The following RGS6 variants were observed in gnomAD, a reference collection of about 807,000 sequenced individuals.
The protein encoded by RGS6 is regulator of G protein signaling 6.
RGS6 carries 30 observed loss-of-function variants against 78.5 expected under a neutral mutation model. The ratio of observed to expected loss-of-function variants is 0.38; its 90% CI spans 0.29 to 0.52. RGS6 has a LOEUF of 0.52. Ranked by LOEUF, RGS6 falls within the 20% of genes least tolerant of loss-of-function variation. The pLI is 0.85. For missense variants in RGS6, 495 were observed against 609.7 expected (o/e 0.81, Z 1.98); for synonymous variants, 206 against 206.0 (o/e 1.00, Z 0.00).
Position 72,470,045 on chromosome 14 carries a change from G to A in RGS6, c.498G>A (p.Lys166=). The A allele has an allele frequency of 6.2e-7, 1 of 1,613,748 alleles. No homozygotes were observed. The highest frequency in any genetic ancestry group is 1.3e-5 in the African/African-American group (1 of 74,946). ...GACTCCAGAGGGCCTTTGCGAGGAAGTGGGAATTCATCTTTATGCAAGCAG... is the reference window on the plus strand; with the variant it reads ...GACTCCAGAGGGCCTTTGCGAGGAAATGGGAATTCATCTTTATGCAAGCAG... ...LARLQRAFAR[K]WEFIFMQAEA... is the part of the protein sequence containing the mutation. The change falls in exon 8 of 18, where the codon AAG becomes AAA. Residue 166 remains lysine, a synonymous_variant. Coordinates refer to ENST00000553525, the MANE Select transcript of RGS6 (RefSeq NM_001204424.2).
At chr14:72,531,611 G>GCCT (rs1269516832) in intron 15 of RGS6, among the ~76,000 whole-genome samples, 2 of 151,986 alleles carry the variant, frequency 1.3e-5, no homozygotes, top group Non-Finnish European at 2.9e-5. Context: ...AACCAAGAGG[G>GCCT]CCTCACATGT....
the RGS6 span, among the ~76,000 whole-genome samples, chr14:72,599,348 T>C: frequency 6.6e-6 from 1 of 151,684 alleles, no homozygotes; most frequent in Non-Finnish European, 1.5e-5. Flanking sequence ...GGTTCCTTCC[T>C]GCTGCCAGAG....
At position 72,200,988 on chromosome 14, in the gene RGS6, G is replaced by A. The variant is rs79776599; in HGVS notation, c.85-151107G>A. ...AAAAAAAAAAAAAAAAAAAAAAAAA[G>A]AAGAAGAAAAGAAAAGAAATTGTGT... On this transcript the variant is annotated intron_variant, in intron 2 of 17. Transcript: ENST00000553525. Among the ~76,000 whole-genome samples, 441 of 109,222 alleles carry A rather than the reference G, an allele frequency of 4.0e-3. 1 individual carries two copies. Among genetic ancestry groups the A allele is most frequent in the African/African-American group, 8.7e-3 (245 of 28,156 alleles). 71.7% of individuals were successfully genotyped at this position (109,222 alleles called of 152,430 possible).
intron 1 of RGS6, among the ~76,000 whole-genome samples, chr14:71,957,481 G>A (rs1277360925): frequency 6.6e-6 from 1 of 152,170 alleles, no homozygotes; most frequent in Non-Finnish European, 1.5e-5. Context: ...GGTCACAGAA[G>A]GTTAAAGTTC....
chr14:72,168,196 C>T (rs745436951), intron 2 of RGS6, among the ~76,000 whole-genome samples: 1 of 152,184 alleles, frequency 6.6e-6, no homozygotes, highest in Non-Finnish European at 1.5e-5. Context: ...ATCCCTGCCC[C>T]ATCCCTTTCA....
intron 12 of RGS6, among the ~76,000 whole-genome samples, chr14:72,484,888 A>G (rs555471482): frequency 6.6e-6 from 1 of 151,864 alleles, no homozygotes; most frequent in Non-Finnish European, 1.5e-5. Context: ...AATGGCTACT[A>G]AATGACTGAC....
chr14:72,536,221 T>C lies in RGS6; in HGVS notation c.1314T>C (p.Tyr438=), dbSNP rs1469739354. Residue 438 remains tyrosine, a synonymous_variant, in exon 16 of 18, where the codon TAT becomes TAC. Transcript: ENST00000553525. ...ACAAGCTGATGAAGAGTGACAGCTA[T>C]GCCCGCTTCCTCCGGTCAAATGCTT... ...HIYKLMKSDS[Y]ARFLRSNAYQ... The C allele has an allele frequency of 6.2e-7, 1 of 1,613,848 alleles. No homozygotes were observed. Among genetic ancestry groups the C allele is most frequent in the Non-Finnish European group, 8.5e-7 (1 of 1,179,886 alleles).
Position 72,527,033 on chromosome 14 carries a change from C to T in RGS6, c.1278+8496C>T, listed in dbSNP as rs144816779. On this transcript the variant is annotated intron_variant, in intron 15 of 17. Coordinates refer to ENST00000553525, the MANE Select transcript of RGS6 (RefSeq NM_001204424.2). Reference sequence around the variant, plus strand: ...TTCCTAAGGGCCCATCAGCCCTCAACGCTTTACCAGGTTGGGACCTTGTTT... The same window carrying T: ...TTCCTAAGGGCCCATCAGCCCTCAATGCTTTACCAGGTTGGGACCTTGTTT... Among the ~76,000 whole-genome samples, 317 of 152,338 alleles carry T rather than the reference C, an allele frequency of 2.1e-3. 2 individuals are homozygous for T. The highest frequency in any genetic ancestry group is 0.01 in the Middle Eastern group (3 of 294).
intron 15 of RGS6, among the ~76,000 whole-genome samples, chr14:72,519,706 T>C (rs558474333): frequency 6.6e-6 from 1 of 152,338 alleles, no homozygotes; most frequent in South Asian, 2.1e-4. Flanking sequence ...GTTTGAGTCA[T>C]GAGAGCTCTT....
intron 2 of RGS6, among the ~76,000 whole-genome samples, chr14:72,051,229 G>A (rs780574454): frequency 6.6e-6 from 1 of 152,066 alleles, no homozygotes; most frequent in Non-Finnish European, 1.5e-5. Context: ...GTACTATTTG[G>A]ACAATAAATA....
intron 2 of RGS6, among the ~76,000 whole-genome samples, chr14:72,026,984 C>T (rs1040620321): frequency 2.6e-5 from 4 of 151,968 alleles, no homozygotes; most frequent in African/African-American, 9.7e-5. Context: ...TGAGAAGAGT[C>T]CAGACATTCA....
intron 2 of RGS6, among the ~76,000 whole-genome samples, chr14:72,347,802 A>G (rs926891601): frequency 1.2e-4 from 18 of 152,252 alleles, no homozygotes; most frequent in African/African-American, 4.3e-4. Context: ...CTAAGGCCAT[A>G]GAGAACAAAG....
intron 2 of RGS6, among the ~76,000 whole-genome samples, chr14:71,980,185 A>G (rs2094372667): frequency 9.3e-6 from 1 of 107,072 alleles, no homozygotes; most frequent in Non-Finnish European, 1.9e-5. Flanking sequence ...TCCTGAATAC[A>G]GCACACTGAT....
chr14:72,169,634 G>A (rs1487498280), intron 2 of RGS6, among the ~76,000 whole-genome samples: 1 of 152,192 alleles, frequency 6.6e-6, no homozygotes, highest in African/African-American at 2.4e-5. Context: ...GTGGCAGAGA[G>A]TGACTGTTAA....
chr14:72,070,609 C>T (rs1876854709), intron 2 of RGS6, among the ~76,000 whole-genome samples: 1 of 152,160 alleles, frequency 6.6e-6, no homozygotes, highest in Non-Finnish European at 1.5e-5. Flanking sequence ...CTTTGTTTCA[C>T]CCTGAACTCT....
intron 8 of RGS6, 60 bp downstream of exon 8, chr14:72,470,143 T>C: frequency 7.7e-7 from 1 of 1,294,604 alleles, no homozygotes; most frequent in Non-Finnish European, 1.1e-6. Flanking sequence ...TTGGAAATGG[T>C]GTGAAGGTGG....
At chr14:72,400,296 A>G (rs529378027) in intron 3 of RGS6, among the ~76,000 whole-genome samples, 2 of 152,314 alleles carry the variant, frequency 1.3e-5, no homozygotes, top group South Asian at 4.1e-4. Flanking sequence ...ATCAAAAGAG[A>G]TTATGAAAGC....
chr14:72,376,174 G>A (rs147231039), intron 3 of RGS6, among the ~76,000 whole-genome samples: 1 of 152,102 alleles, frequency 6.6e-6, no homozygotes, highest in Non-Finnish European at 1.5e-5. Flanking sequence ...CATTTAAAAT[G>A]AACCAAATTC....
At chr14:72,540,752 C>G in intron 17 of RGS6, 1 of 1,258,660 alleles carries the variant, frequency 7.9e-7, no homozygotes, top group Non-Finnish European at 1.0e-6. Context: ...CCTGGGTACT[C>G]CCCGGGGGCA....
Sources: gnomAD v4.1 joint callset for allele counts (sites outside exome capture counted in the v4.1 genomes callset) on GRCh38, gnomAD v4.1.1 for gene constraint, MANE v1.5 for transcripts, NCBI Gene and HGNC (gene_info 2026-07-23, HGNC 2026-07-21) for gene names.